The following IGF1R variants were observed in gnomAD, a reference collection of about 807,000 sequenced individuals.
IGF1R encodes insulin like growth factor 1 receptor, also known as insulin-like growth factor 1 receptor.
In IGF1R, 44 loss-of-function variants were observed where a neutral mutation model predicts 144.6. That is an observed-to-expected ratio of 0.30 (90% CI 0.24 to 0.39). IGF1R has a LOEUF of 0.39. Ranked by LOEUF, IGF1R falls within the 10% of genes least tolerant of loss-of-function variation. IGF1R has a pLI of 1.00. For missense variants in IGF1R, 1,355 were observed against 1,833.7 expected, an observed-to-expected ratio of 0.74 and a Z score of 4.77; for synonymous variants, 795 against 722.8, an observed-to-expected ratio of 1.10 and a Z score of -1.60.
At chr15:98,662,857 G>T (rs1374223572) in intron 1 of IGF1R, among the ~76,000 whole-genome samples, 2 of 152,202 alleles carry the variant, frequency 1.3e-5, no homozygotes, top group African/African-American at 4.8e-5. Context: ...TGATGGAGTG[G>T]AGAGGGTGTC....
chr15:98,700,841 TC>T (rs1212129708), intron 1 of IGF1R, among the ~76,000 whole-genome samples: 4 of 152,104 alleles, frequency 2.6e-5, no homozygotes, highest in Non-Finnish European at 5.9e-5. Flanking sequence ...TGAGAAGTCT[TC>T]CTGACCTCCT....
At chr15:98,693,768 G>A (rs1008993150) in intron 1 of IGF1R, among the ~76,000 whole-genome samples, 1 of 152,048 alleles carries the variant, frequency 6.6e-6, no homozygotes, top group African/African-American at 2.4e-5. Flanking sequence ...ACCATGCCAC[G>A]CTCATTTTTG....
intron 19 of IGF1R, among the ~76,000 whole-genome samples, chr15:98,945,112 T>G (rs2016503157): frequency 6.6e-6 from 1 of 152,232 alleles, no homozygotes; most frequent in Non-Finnish European, 1.5e-5. Context: ...GGGTGCCCTC[T>G]AGGCATGGAG....
chr15:98,937,715 C>T (rs1189797348), intron 17 of IGF1R, among the ~76,000 whole-genome samples: 2 of 152,212 alleles, frequency 1.3e-5, no homozygotes, highest in Non-Finnish European at 2.9e-5. Context: ...GACAAAATTT[C>T]AGCCCTCTGT....
At chr15:98,777,240 A>T (rs1483061793) in intron 2 of IGF1R, among the ~76,000 whole-genome samples, 1 of 152,238 alleles carries the variant, frequency 6.6e-6, no homozygotes, top group African/African-American at 2.4e-5. Flanking sequence ...CAGTGGAGAC[A>T]TTCCTCGTAG....
At chr15:98,814,288 A>G (rs2056650276) in intron 2 of IGF1R, among the ~76,000 whole-genome samples, 1 of 151,306 alleles carries the variant, frequency 6.6e-6, no homozygotes, top group South Asian at 2.1e-4. Context: ...CCAGGCAGTG[A>G]AAGCTTTTTT....
intron 6 of IGF1R, 108 bp downstream of exon 6, chr15:98,909,007 T>TG: frequency 3.1e-6 from 3 of 959,106 alleles, no homozygotes; most frequent in Non-Finnish European, 3.3e-6. Flanking sequence ...TGGTTTCACA[T>TG]GGGGGACCAC....
chr15:98,901,208 C>T (rs1024647075), intron 5 of IGF1R, among the ~76,000 whole-genome samples: 2 of 152,146 alleles, frequency 1.3e-5, no homozygotes, highest in Admixed American at 1.3e-4. Flanking sequence ...AAGCCCGGGC[C>T]CCTGGCCTGC....
chr15:98,862,986 C>T (rs1011771545), intron 2 of IGF1R, among the ~76,000 whole-genome samples: 2 of 152,166 alleles, frequency 1.3e-5, no homozygotes, highest in Non-Finnish European at 2.9e-5. Flanking sequence ...ATTCGGATTT[C>T]ACTATTTTCC....
chr15:98,827,683 A>G (rs2056919335), intron 2 of IGF1R, among the ~76,000 whole-genome samples: 1 of 152,154 alleles, frequency 6.6e-6, no homozygotes, highest in South Asian at 2.1e-4. Flanking sequence ...TCCGGGTTCA[A>G]GCGATTCTCC....
intron 2 of IGF1R, among the ~76,000 whole-genome samples, chr15:98,716,320 G>A (rs1189356045): frequency 1.3e-5 from 2 of 151,600 alleles, no homozygotes; most frequent in Non-Finnish European, 2.9e-5. Flanking sequence ...CTCTCTCTCT[G>A]TCTCTCTCTC....
rs927757724 is a variant in IGF1R at position 98,925,177 on chromosome 15, G to A, written c.2782+493G>A. ...GGGCAGGAATCTCCACGGTAGCATC[G>A]CAGACCCTCCACTGTCCTTTTAAAG... On this transcript the variant is annotated intron_variant, in intron 13 of 20. Transcript: ENST00000650285. Among the ~76,000 whole-genome samples the A allele has an allele frequency of 5.9e-5, 9 of 152,186 alleles. No homozygotes were observed. In the South Asian group the frequency reaches 1.5e-3, roughly 25 times the overall value.
intron 17 of IGF1R, among the ~76,000 whole-genome samples, chr15:98,936,679 A>C (rs2016163705): frequency 6.7e-6 from 1 of 150,236 alleles, no homozygotes. Context: ...ACAGTTTCTT[A>C]ATTTTAGTTC....
At chr15:98,798,447 T>C (rs994189566) in intron 2 of IGF1R, among the ~76,000 whole-genome samples, 2 of 152,014 alleles carry the variant, frequency 1.3e-5, no homozygotes, top group African/African-American at 4.8e-5. Context: ...AGTTTGGAGC[T>C]GGTGTGTACG....
Position 98,913,149 on chromosome 15 carries a change from C to G in IGF1R, c.1695C>G (p.Gly565=). The G allele has an allele frequency of 6.2e-7, 1 of 1,614,182 alleles. No individual in the cohort carries two copies. The highest frequency in any genetic ancestry group is 8.5e-7 in the Non-Finnish European group (1 of 1,179,992). Residue 565 remains glycine, a synonymous_variant, in exon 8 of 21, where the codon GGC becomes GGG. Transcript: ENST00000650285. ...CGCCCAACAAGGACGTGGAGCCCGG[C>G]ATCTTACTACATGGGCTGAAGCCCT... ...DLPPNKDVEP[G]ILLHGLKPWT...
intron 2 of IGF1R, among the ~76,000 whole-genome samples, chr15:98,887,015 C>G (rs1037407914): frequency 2.0e-5 from 3 of 152,190 alleles, no homozygotes; most frequent in East Asian, 3.8e-4. Context: ...TTGCTGCCCC[C>G]GCATAGAGCA....
intron 11 of IGF1R, among the ~76,000 whole-genome samples, chr15:98,923,025 G>A (rs550223038): frequency 1.3e-4 from 20 of 152,330 alleles, no homozygotes; most frequent in Non-Finnish European, 2.6e-4. Flanking sequence ...GGTGACCAGA[G>A]TCTGGGGTGT....
intron 5 of IGF1R, among the ~76,000 whole-genome samples, chr15:98,902,175 C>G (rs1408823246): frequency 1.3e-5 from 2 of 152,004 alleles, no homozygotes; most frequent in African/African-American, 2.4e-5. Flanking sequence ...CACCCCCACC[C>G]CAATTCAATA....
intron 1 of IGF1R, among the ~76,000 whole-genome samples, chr15:98,675,136 A>T (rs2053003049): frequency 6.6e-6 from 1 of 151,952 alleles, no homozygotes; most frequent in East Asian, 1.9e-4. Flanking sequence ...CTACAAGTGC[A>T]TGCCACCATG....
Sources: gnomAD v4.1 joint callset for allele counts (sites outside exome capture counted in the v4.1 genomes callset) on GRCh38, gnomAD v4.1.1 for gene constraint, MANE v1.5 for transcripts, NCBI Gene and HGNC (gene_info 2026-07-23, HGNC 2026-07-21) for gene names.